The following PLCXD3 variants were observed in gnomAD, a reference collection of about 807,000 sequenced individuals.
PLCXD3 encodes phosphatidylinositol specific phospholipase C X domain containing 3, also known as PI-PLC X domain-containing protein 3.
A neutral mutation model predicts 25.5 loss-of-function variants in PLCXD3; 19 were observed. That is an observed-to-expected ratio of 0.75 (90% CI 0.52 to 1.09). PLCXD3 has a LOEUF of 1.09. Among genes scored for constraint, PLCXD3 ranks in the 50% least tolerant of loss-of-function variants. The pLI, the probability that PLCXD3 is intolerant of heterozygous loss-of-function variation, is 0.00. For missense variants in PLCXD3, 411 were observed against 388.1 expected, an observed-to-expected ratio of 1.06 and a Z score of -0.50; for synonymous variants, 174 against 137.6, an observed-to-expected ratio of 1.26 and a Z score of -1.85.
rs540124298 is a variant in PLCXD3, at chr5:41,507,832, G to A, written c.103+2592C>T. 2.6e-5 allele frequency among the ~76,000 whole-genome samples: 4 copies of A among 152,312 alleles called. No individual in the cohort carries two copies. In the East Asian group the frequency reaches 5.8e-4, roughly 22 times the overall value. On this transcript the variant is annotated intron_variant, in intron 1 of 2. Transcript: ENST00000377801. ...CTGTAGCAACTGGCCAAGTAAACAT[G>A]TAGCAGCCAGGAAGCTATTAGCATG... is the stretch of plus-strand genomic sequence containing the variant.
In PLCXD3 at chr5:41,308,767, A is replaced by G. The variant is rs984074493; in HGVS notation, c.*4850T>C. ...ATGGAAAATTTATCATTAAAGAAAA[A>G]TGGGTGCCATGTTGGGAAGGTCAAC... On this transcript the variant is annotated 3_prime_UTR_variant, in exon 3 of 3. Transcript: ENST00000377801. The G allele has an allele frequency of 6.6e-6, 1 of 152,192 alleles. No individual in the cohort carries two copies. Among genetic ancestry groups the G allele is most frequent in the Admixed American group, 6.5e-5 (1 of 15,268 alleles). 9.4% of individuals were successfully genotyped at this position (152,192 alleles called of 1,614,324 possible).
intron 1 of PLCXD3, among the ~76,000 whole-genome samples, chr5:41,391,164 C>T (rs1005332790): frequency 6.6e-6 from 1 of 152,104 alleles, no homozygotes; most frequent in African/African-American, 2.4e-5. Context: ...TCAGGCAAGT[C>T]CTATAGCTGA....
At position 41,470,200 on chromosome 5, in the gene PLCXD3, T is replaced by C. The variant is rs150013909; in HGVS notation, c.103+40224A>G. On this transcript the variant is annotated intron_variant, in intron 1 of 2. Coordinates refer to ENST00000377801, the MANE Select transcript of PLCXD3 (RefSeq NM_001005473.3). ...GTGGCAGTTAAAAAACCATAAGAAT[T>C]ATGATATTTTGAAAGAAGACAAAGA... Among the ~76,000 whole-genome samples the C allele has an allele frequency of 5.3e-5, 8 of 152,256 alleles. No individual in the cohort carries two copies. The East Asian group carries it at 1.5e-3, about 29-fold the overall frequency.
chr5:41,486,978 T>A (rs1371698307), intron 1 of PLCXD3, among the ~76,000 whole-genome samples: 1 of 152,156 alleles, frequency 6.6e-6, no homozygotes, highest in East Asian at 1.9e-4. Flanking sequence ...CTACTTGAAT[T>A]ACCAACTTAC....
chr5:41,424,671 ATTT>A (rs1186345863), intron 1 of PLCXD3, among the ~76,000 whole-genome samples: 2 of 151,938 alleles, frequency 1.3e-5, no homozygotes. Context: ...GACTTCCTTC[ATTT>A]TTATTTTTCT....
rs191590791 is a variant in PLCXD3 at position 41,419,576 on chromosome 5, T to C, written c.104-37042A>G. On this transcript the variant is annotated intron_variant, in intron 1 of 2. Transcript: ENST00000377801. ...CAATTAAAAAAAATACTGAGGTTTT[T>C]CCCCCAGAGATAGCCAAGCAAAATC... Among the ~76,000 whole-genome samples the C allele has an allele frequency of 9.2e-5, 14 of 152,246 alleles. No homozygotes were observed. The East Asian group carries it at 1.9e-3, about 21-fold the overall frequency.
intron 2 of PLCXD3, among the ~76,000 whole-genome samples, chr5:41,341,730 C>A (rs1220001978): frequency 6.6e-6 from 1 of 152,036 alleles, no homozygotes; most frequent in Non-Finnish European, 1.5e-5. Context: ...AAAAAAAGTT[C>A]TTATCACTTA....
chr5:41,410,948 T>C (rs1222518174), intron 1 of PLCXD3, among the ~76,000 whole-genome samples: 1 of 152,076 alleles, frequency 6.6e-6, no homozygotes, highest in Non-Finnish European at 1.5e-5. Flanking sequence ...ACCCTGCAGT[T>C]TGGGGCAGTC....
chr5:41,334,283 C>T (rs1743918027), intron 2 of PLCXD3, among the ~76,000 whole-genome samples: 1 of 152,122 alleles, frequency 6.6e-6, no homozygotes, highest in Non-Finnish European at 1.5e-5. Flanking sequence ...GGATCACAGT[C>T]ATGCCACACC....
rs150410694 is a variant in PLCXD3, at chr5:41,396,170, C to A, written c.104-13636G>T. ...GGTTTGGCTGTGTCCCCACCCAAATCTTATGACAAATTTTAATTCCCAATG... is the reference window on the plus strand; with the variant it reads ...GGTTTGGCTGTGTCCCCACCCAAATATTATGACAAATTTTAATTCCCAATG... On this transcript the variant is annotated intron_variant, in intron 1 of 2. Coordinates refer to ENST00000377801, the MANE Select transcript of PLCXD3 (RefSeq NM_001005473.3). Among the ~76,000 whole-genome samples, 56 of 152,276 alleles carry A rather than the reference C, an allele frequency of 3.7e-4. No homozygotes were observed. The East Asian group carries it at 7.1e-3, about 19-fold the overall frequency.
At chr5:41,505,490 C>T (rs575559152) in intron 1 of PLCXD3, among the ~76,000 whole-genome samples, 7 of 152,070 alleles carry the variant, frequency 4.6e-5, no homozygotes, top group African/African-American at 7.2e-5. Context: ...CACTTTTGCT[C>T]GATAACAATA....
chr5:41,463,510 G>C (rs185411376), intron 1 of PLCXD3, among the ~76,000 whole-genome samples: 3 of 151,966 alleles, frequency 2.0e-5, no homozygotes, highest in Admixed American at 2.0e-4. Flanking sequence ...TAAATTTTGG[G>C]GGGACACAAA....
intron 1 of PLCXD3, among the ~76,000 whole-genome samples, chr5:41,399,835 T>C (rs1034438939): frequency 6.6e-6 from 1 of 151,978 alleles, no homozygotes; most frequent in African/African-American, 2.4e-5. Flanking sequence ...AAAGCAAACA[T>C]GGACATATGG....
At chr5:41,475,579 C>T (rs1031153546) in intron 1 of PLCXD3, 4 of 530,394 alleles carry the variant, frequency 7.5e-6, no homozygotes, top group South Asian at 1.4e-5. Flanking sequence ...TCTGTTTATC[C>T]CTGTAGGCCT....
At chr5:41,372,985 A>C (rs1189862757) in intron 2 of PLCXD3, among the ~76,000 whole-genome samples, 1 of 152,138 alleles carries the variant, frequency 6.6e-6, no homozygotes, top group African/African-American at 2.4e-5. Context: ...CGGAGGTTGC[A>C]GTGAGCCAAG....
intron 1 of PLCXD3, among the ~76,000 whole-genome samples, chr5:41,437,877 T>A (rs1358722402): frequency 6.6e-6 from 1 of 152,208 alleles, no homozygotes; most frequent in Non-Finnish European, 1.5e-5. Flanking sequence ...GGCTAACTAC[T>A]GTCCATCAAC....
intron 1 of PLCXD3, among the ~76,000 whole-genome samples, chr5:41,489,047 G>T (rs1351282078): frequency 1.3e-5 from 2 of 152,152 alleles, no homozygotes; most frequent in African/African-American, 4.8e-5. Context: ...TTCTTCTAGG[G>T]TTTTTATGGT....
intron 2 of PLCXD3, among the ~76,000 whole-genome samples, chr5:41,347,231 A>G (rs923799535): frequency 6.6e-6 from 1 of 152,182 alleles, no homozygotes; most frequent in Non-Finnish European, 1.5e-5. Context: ...ATAAATTGAT[A>G]TTTTAGGATT....
chr5:41,474,858 T>A (rs1168623422), intron 1 of PLCXD3, among the ~76,000 whole-genome samples: 1 of 152,114 alleles, frequency 6.6e-6, no homozygotes, highest in South Asian at 2.1e-4. Flanking sequence ...CAAATACCAG[T>A]GGAAATCTTA....
Sources: allele counts gnomAD v4.1 joint callset (sites outside exome capture counted in the v4.1 genomes callset), GRCh38; gene constraint gnomAD v4.1.1; transcripts MANE v1.5; gene names NCBI Gene and HGNC (gene_info 2026-07-23, HGNC 2026-07-21).